FAS: variants seen among roughly 807,000 people sequenced by gnomAD.
The protein encoded by FAS is Fas cell surface death receptor.
A neutral mutation model predicts 33.2 loss-of-function variants in FAS; 5 were observed. The ratio of observed to expected loss-of-function variants is 0.15; its 90% CI spans 0.08 to 0.32. The LOEUF (loss-of-function observed/expected upper bound fraction) is 0.32, where lower values mean the gene tolerates loss of function less well. Among genes scored for constraint, FAS ranks in the 10% least tolerant of loss-of-function variants. FAS has a pLI of 1.00. For missense variants in FAS, 339 were observed against 386.0 expected, an observed-to-expected ratio of 0.88 and a Z score of 1.02; for synonymous variants, 131 against 130.7, an observed-to-expected ratio of 1.00 and a Z score of -0.01.
At chr10:89,003,260 A>G in intron 2 of FAS, 66 bp downstream of exon 2, 1 of 1,571,660 alleles carries the variant, frequency 6.4e-7, no homozygotes, top group Non-Finnish European at 8.7e-7. Flanking sequence ...CATAGTAATC[A>G]TGACTATAAT....
chr10:88,992,031 C>A (rs905817488), intron 1 of FAS, among the ~76,000 whole-genome samples: 8 of 152,160 alleles, frequency 5.3e-5, no homozygotes, highest in Admixed American at 4.6e-4. Flanking sequence ...ACCACATCCC[C>A]ATTTTACAGA....
chr10:89,013,676 T>C (rs1048926118), intron 8 of FAS, among the ~76,000 whole-genome samples: 3 of 152,226 alleles, frequency 2.0e-5, no homozygotes, highest in African/African-American at 7.2e-5. Context: ...TAAAGTGTAC[T>C]GTAGACTCAG....
intron 1 of FAS, among the ~76,000 whole-genome samples, chr10:88,995,092 G>GTA (rs10694522): frequency 0.55 from 82,778 of 151,258 alleles, 23,267 homozygotes; most frequent in African/African-American, 0.69. Flanking sequence ...TGCTATGTAT[G>GTA]TATATATATA....
chr10:88,972,352 T>C (rs1198689510), intron 1 of FAS, among the ~76,000 whole-genome samples: 1 of 152,206 alleles, frequency 6.6e-6, no homozygotes, highest in East Asian at 1.9e-4. Context: ...TTATTTGTAA[T>C]AGTAATTGAT....
At chr10:88,999,827 A>G (rs951419613) in intron 1 of FAS, among the ~76,000 whole-genome samples, 1 of 152,168 alleles carries the variant, frequency 6.6e-6, no homozygotes, top group African/African-American at 2.4e-5. Context: ...TTGACATGGG[A>G]ATCTATCAGG....
At chr10:88,985,264 T>C (rs933770657), upstream of FAS, among the ~76,000 whole-genome samples, 3 of 152,178 alleles carry the variant, frequency 2.0e-5, no homozygotes, top group Non-Finnish European at 4.4e-5. Context: ...AGGATTTATA[T>C]CTAGGGACTC....
chr10:88,995,683 C>T (rs1472378742), intron 1 of FAS, among the ~76,000 whole-genome samples: 1 of 152,068 alleles, frequency 6.6e-6, no homozygotes, highest in Non-Finnish European at 1.5e-5. Context: ...CACAAATTAG[C>T]TGGGTGTGGT....
At position 89,014,555 on chromosome 10, in the gene FAS, A is replaced by G; in HGVS notation, c.*105A>G. 2 of 1,050,426 alleles carry G rather than the reference A, an allele frequency of 1.9e-6. No individual in the cohort carries two copies. The highest frequency in any genetic ancestry group is 2.0e-5 in the Admixed American group (1 of 50,870). 65.1% of individuals were successfully genotyped at this position (1,050,426 alleles called of 1,614,324 possible). On this transcript the variant is annotated 3_prime_UTR_variant, in exon 9 of 9. Transcript: ENST00000652046. ...CTTGGTTTTTTACTGGGTACATTTT[A>G]TCATTTATTAGCGCTGAAGAGCCAA...
In FAS at chr10:89,007,710, A is replaced by G; in HGVS notation, c.207A>G (p.Lys69=). The change falls in exon 3 of 9, where the codon AAA becomes AAG. Residue 69 remains lysine (K), a synonymous_variant. Transcript: ENST00000652046. ...CHKPCPPGER[K]ARDCTVNGDE... Reference sequence around the variant, plus strand: ...TTTTTCCTTGGGCAGGTGAAAGGAAAGCTAGGGACTGCACAGTCAATGGGG... The same window carrying G: ...TTTTTCCTTGGGCAGGTGAAAGGAAGGCTAGGGACTGCACAGTCAATGGGG... 2 of 1,613,950 alleles carry G rather than the reference A, an allele frequency of 1.2e-6. No homozygotes were observed. Among genetic ancestry groups the G allele is most frequent in the Non-Finnish European group, 1.7e-6 (2 of 1,179,920 alleles).
intron 2 of FAS, among the ~76,000 whole-genome samples, chr10:88,981,705 G>T (rs577130308): frequency 6.6e-6 from 1 of 152,114 alleles, no homozygotes; most frequent in Non-Finnish European, 1.5e-5. Flanking sequence ...CTGGATGGGG[G>T]AAACGGTAGA....
At position 88,973,062 on chromosome 10, in the gene FAS, G is replaced by A. The variant is rs141235281; in HGVS notation, n.95-120G>A. 7.1e-4 allele frequency: 816 copies of A among 1,146,428 alleles called. 6 individuals are homozygous for A. The African/African-American group carries it at 0.011, about 16-fold the overall frequency. The allele number at this position is 1,146,428 out of a possible 1,614,324, so 71.0% of individuals were successfully genotyped here. ...TTGTTTTATTTTAAAAGCTAACCTT[G>A]TAAGTACTTAGTCTTTCAAAAAATA... On this transcript the variant is annotated intron_variant and non_coding_transcript_variant, in intron 1 of 3. Coordinates refer to the FAS transcript ENST00000688239.
At chr10:88,993,328 AC>A (rs1418011690) in intron 1 of FAS, among the ~76,000 whole-genome samples, 1 of 150,840 alleles carries the variant, frequency 6.6e-6, no homozygotes, top group Non-Finnish European at 1.5e-5. Context: ...ATTGTGCATG[AC>A]CCTGTTATTG....
At chr10:89,005,216 G>T (rs1452254048) in intron 2 of FAS, among the ~76,000 whole-genome samples, 2 of 151,690 alleles carry the variant, frequency 1.3e-5, no homozygotes, top group East Asian at 3.9e-4. Context: ...AAAAAAGAAA[G>T]AAATGAAAAA....
intron 2 of FAS, among the ~76,000 whole-genome samples, chr10:89,006,631 C>T (rs1421850121): frequency 2.0e-5 from 3 of 152,150 alleles, no homozygotes; most frequent in Non-Finnish European, 4.4e-5. Context: ...TATTCCCTTA[C>T]CTTCATCTAG....
intron 3 of FAS, among the ~76,000 whole-genome samples, 153 bp downstream of exon 3, chr10:89,007,990 C>T (rs1366206484): frequency 6.6e-6 from 1 of 152,148 alleles, no homozygotes; most frequent in Admixed American, 6.5e-5. Context: ...GAACCAGGTG[C>T]CGAGCTAACT....
chr10:88,970,440 C>T (rs1846412296), intron 1 of FAS, among the ~76,000 whole-genome samples: 1 of 152,090 alleles, frequency 6.6e-6, no homozygotes, highest in South Asian at 2.1e-4. Context: ...TAGGCCCCTG[C>T]TTGTTGAGGA....
At chr10:88,994,061 G>A (rs975303280) in intron 1 of FAS, among the ~76,000 whole-genome samples, 4 of 152,212 alleles carry the variant, frequency 2.6e-5, no homozygotes, top group African/African-American at 9.7e-5. Context: ...CAGCAAATTA[G>A]AGGCAAAGAA....
At position 89,009,420 on chromosome 10, in the gene FAS, A is replaced by G. The variant is rs118167295; in HGVS notation, c.443+423A>G. ...GACTTGAATCTTGAAGAAAGAAAAG[A>G]AAGAGCATTAACAGGTGCACATGGA... On this transcript the variant is annotated intron_variant, in intron 4 of 8. Transcript: ENST00000652046. Among the ~76,000 whole-genome samples, 16 of 152,378 alleles carry G rather than the reference A, an allele frequency of 1.1e-4. No individual in the cohort carries two copies. In the East Asian group the frequency reaches 2.9e-3, roughly 28 times the overall value.
intron 1 of FAS, among the ~76,000 whole-genome samples, chr10:88,967,000 T>C (rs1421198684): frequency 6.6e-6 from 1 of 152,196 alleles, no homozygotes; most frequent in Non-Finnish European, 1.5e-5. Context: ...GAGGGCAGGC[T>C]GTGTGCCAAG....
Sources: gnomAD v4.1 joint callset for allele counts (sites outside exome capture counted in the v4.1 genomes callset) on GRCh38, gnomAD v4.1.1 for gene constraint, MANE v1.5 for transcripts, NCBI Gene and HGNC (gene_info 2026-07-23, HGNC 2026-07-21) for gene names.